ZNF653: variants seen among roughly 807,000 people sequenced by gnomAD.
ZNF653 encodes 67 kDa zinc finger protein.
In ZNF653, 37 loss-of-function variants were observed where a neutral mutation model predicts 59.9. That is an observed-to-expected ratio of 0.62 (90% CI 0.48 to 0.81). The LOEUF (loss-of-function observed/expected upper bound fraction) is 0.81. Ranked by LOEUF, ZNF653 falls within the 40% of genes least tolerant of loss-of-function variation. The pLI, the probability that ZNF653 is intolerant of heterozygous loss-of-function variation, is 0.00. For synonymous variants in ZNF653, 435 were observed against 371.8 expected (o/e 1.17, Z -1.96); for missense variants, 808 against 881.1 (o/e 0.92, Z 1.05).
chr19:11,484,465 G>A (rs969512664), intron 7 of ZNF653, among the ~76,000 whole-genome samples: 1 of 152,012 alleles, frequency 6.6e-6, no homozygotes, highest in South Asian at 2.1e-4. Context: ...GCAATGGCCC[G>A]ATCTCGGCTT....
chr19:11,485,566 C>G (rs970516845), intron 7 of ZNF653, 90 bp downstream of exon 7: 40 of 1,029,480 alleles, frequency 3.9e-5, no homozygotes, highest in Admixed American at 5.4e-5. Context: ...AGACCCAGCA[C>G]TGGGCTTTGA....
At position 11,487,388 on chromosome 19, in the gene ZNF653, T is replaced by C. The variant is rs769952549; in HGVS notation, c.1075A>G (p.Met359Val). 5.6e-6 allele frequency: 9 copies of C among 1,612,652 alleles called. No homozygotes were observed. The Admixed American group carries it at 1.0e-4, about 18-fold the overall frequency. ...TGGGTGTAGGCTGCCACACCCTCCA[T>C]CATGGCACAGGGCACCTCCTCGCCC... ...GLGEEVPCAM[M>V]EGVAAYTQTE... The change falls in exon 4 of 9, where the codon ATG becomes GTG. Residue 359 changes from methionine (M) to valine (V), a missense_variant. Physicochemically the swap from Met to Val is conservative, Grantham distance 21. Transcript: ENST00000293771. The surrounding 1 kb of genome is among the most constrained non-coding windows in gnomAD (Gnocchi z 5.1).
Position 11,505,781 on chromosome 19 carries a change from C to T in ZNF653, c.6G>A (p.Ala2=). 1.4e-6 allele frequency: 2 copies of T among 1,403,908 alleles called. No individual in the cohort carries two copies. The highest frequency in any genetic ancestry group is 3.0e-5 in the East Asian group (1 of 33,710). 87.0% of individuals were successfully genotyped at this position (1,403,908 alleles called of 1,614,324 possible). The change falls in exon 1 of 9, where the codon GCG becomes GCA. Residue 2 remains alanine (A), a synonymous_variant. Transcript: ENST00000293771. M[A]ERALEPEAEA... is the part of the protein sequence containing the mutation. ...CCGCCTCGGGCTCTAGCGCCCGCTC[C>T]GCCATCCCCCCCACCCTGGTTACCA...
intron 7 of ZNF653, among the ~76,000 whole-genome samples, chr19:11,485,003 T>C (rs1253693610): frequency 6.6e-6 from 1 of 150,966 alleles, no homozygotes; most frequent in African/African-American, 2.4e-5. Context: ...TGAGCCAAGA[T>C]CGGATTCCAG....
At chr19:11,494,100 T>C (rs2144943041) in intron 3 of ZNF653, among the ~76,000 whole-genome samples, 1 of 152,188 alleles carries the variant, frequency 6.6e-6, no homozygotes. Flanking sequence ...GGCAGGAGGA[T>C]CACTTGAGGC....
At chr19:11,499,611 T>TAA (rs764982889) in intron 1 of ZNF653, among the ~76,000 whole-genome samples, 86 of 113,042 alleles carry the variant, frequency 7.6e-4, no homozygotes, top group African/African-American at 2.6e-3. Flanking sequence ...TTTATACAAT[T>TAA]AAAAAAAAAA....
intron 6 of ZNF653, 102 bp from the exon 7 acceptor site, chr19:11,485,872 TC>T: frequency 2.3e-6 from 2 of 871,626 alleles, no homozygotes. Context: ...GGGGCTGGCC[TC>T]CCCAGGAGGA....
At chr19:11,490,780 T>C (rs112184717) in intron 3 of ZNF653, among the ~76,000 whole-genome samples, 3 of 152,136 alleles carry the variant, frequency 2.0e-5, no homozygotes, top group African/African-American at 7.2e-5. Flanking sequence ...AGCTCCAGAT[T>C]CTTCCATCTC....
At chr19:11,501,191 CTTTTT>C (rs1971640206) in intron 1 of ZNF653, among the ~76,000 whole-genome samples, 1 of 108,220 alleles carries the variant, frequency 9.2e-6, no homozygotes, top group Non-Finnish European at 2.0e-5. Flanking sequence ...TTTTTTTTTT[CTTTTT>C]GAGACAGGCT....
At chr19:11,486,904 T>G (rs1425776833) in intron 5 of ZNF653, 24 bp from the exon 6 acceptor site, 1 of 1,610,936 alleles carries the variant, frequency 6.2e-7, no homozygotes, top group African/African-American at 1.3e-5. Flanking sequence ...GGCCATGACA[T>G]CGGGGCTCCC....
rs772340089 is a variant in ZNF653 at position 11,495,193 on chromosome 19, CCT to C, written c.559+755_559+756del. On this transcript the variant is annotated intron_variant, in intron 3 of 8. Transcript: ENST00000293771. This position sits in a 1 kb window ranked among gnomAD's most constrained non-coding sequence, Gnocchi z 4.9. ...CTCCTTCTCCAGCCATTGCCGAACC[CCT>C]GAGGCTGCCGGCAGCCCCCTCACCA... Among the ~76,000 whole-genome samples, 61 of 152,178 alleles carry C rather than the reference CCT, an allele frequency of 4.0e-4. 1 individual carries two copies. Among genetic ancestry groups the C allele is most frequent in the Admixed American group, 7.2e-4 (11 of 15,278 alleles).
Position 11,486,980 on chromosome 19 carries a change from C to A in ZNF653, c.1343+7G>T. ...TCGCCCTCACCCTTGCCCGCCCCGG[C>A]ACCCACTTCTCAGGCTCCTTGGGGA... On this transcript the variant is annotated splice_region_variant and intron_variant, in intron 5 of 8. Transcript: ENST00000293771. 1 of 1,613,364 alleles carries A rather than the reference C, an allele frequency of 6.2e-7. No homozygotes were observed. The highest frequency in any genetic ancestry group is 8.5e-7 in the Non-Finnish European group (1 of 1,179,566).
intron 6 of ZNF653, among the ~76,000 whole-genome samples, chr19:11,486,334 G>C (rs1971465368): frequency 6.6e-6 from 1 of 152,180 alleles, no homozygotes; most frequent in South Asian, 2.1e-4. Context: ...GAAGGGCCCA[G>C]CTGTTAGCCC....
At chr19:11,504,355 C>T (rs938776826) in intron 1 of ZNF653, 3 of 187,138 alleles carry the variant, frequency 1.6e-5, no homozygotes, top group African/African-American at 7.1e-5. Context: ...GAACGGAGAT[C>T]GTGCCACTGC....
At chr19:11,499,619 A>C (rs1971623495) in intron 1 of ZNF653, among the ~76,000 whole-genome samples, 1 of 151,704 alleles carries the variant, frequency 6.6e-6, no homozygotes, top group African/African-American at 2.4e-5. Flanking sequence ...ATTAAAAAAA[A>C]AAAAAAAAAA....
At position 11,494,307 on chromosome 19, in the gene ZNF653, G is replaced by A. The variant is rs1231802284; in HGVS notation, c.559+1643C>T. Among the ~76,000 whole-genome samples the A allele has an allele frequency of 2.6e-5, 4 of 151,282 alleles. No homozygotes were observed. In the South Asian group the frequency reaches 6.3e-4, roughly 24 times the overall value. ...ACTGCACTCCAGCTTGGGTGACAGA[G>A]ACAGAATCTGTCTCAAAAAGATAAC... On this transcript the variant is annotated intron_variant, in intron 3 of 8. Transcript: ENST00000293771.
rs766381084 is a variant in ZNF653 at position 11,496,136 on chromosome 19, T to C, written c.373A>G (p.Asn125Asp). The C allele has an allele frequency of 6.2e-7, 1 of 1,613,960 alleles. No individual in the cohort carries two copies. Among genetic ancestry groups the C allele is most frequent in the South Asian group, 1.1e-5 (1 of 91,072 alleles). The change falls in exon 3 of 9, where the codon AAC becomes GAC. Residue 125 changes from asparagine to aspartate, a missense_variant. By Grantham distance (23) the Asn-to-Asp change is conservative (BLOSUM62 1). Coordinates refer to ENST00000293771, the MANE Select transcript of ZNF653 (RefSeq NM_138783.4). ...RRRRNVNCLKNVVIWYEDHKH... is the reference protein window; with the variant it reads ...RRRRNVNCLKDVVIWYEDHKH... ...TGGTCCTCGTACCAGATCACCACGT[T>C]CTTCAGGCAGTTCACGTTGCGTCGC...
chr19:11,495,977 T>G lies in ZNF653; in HGVS notation c.532A>C (p.Ser178Arg). 1 of 1,614,134 alleles carries G rather than the reference T, an allele frequency of 6.2e-7. No homozygotes were observed. The highest frequency in any genetic ancestry group is 8.5e-7 in the Non-Finnish European group (1 of 1,179,998). Reference protein sequence around the residue: ...QDLHSPLKPLSDSDPDSDKVG... With the variant: ...QDLHSPLKPLRDSDPDSDKVG... Reference sequence around the variant, plus strand: ...TTGTCACTGTCAGGGTCTGAGTCGCTGAGGGGCTTCAGGGGCGAATGCAGG... The same window carrying G: ...TTGTCACTGTCAGGGTCTGAGTCGCGGAGGGGCTTCAGGGGCGAATGCAGG... Residue 178 changes from serine to arginine, a missense_variant, in exon 3 of 9, where the codon AGC becomes CGC. Coordinates refer to ENST00000293771, the MANE Select transcript of ZNF653 (RefSeq NM_138783.4). The surrounding 1 kb of genome is among the most constrained non-coding windows in gnomAD (Gnocchi z 4.9).
chr19:11,499,331 G>A (rs1367048407), intron 1 of ZNF653, among the ~76,000 whole-genome samples: 1 of 152,206 alleles, frequency 6.6e-6, no homozygotes, highest in African/African-American at 2.4e-5. Flanking sequence ...GCAGGCCTGT[G>A]AGTAGGACTG....
Sources: allele counts gnomAD v4.1 joint callset (sites outside exome capture counted in the v4.1 genomes callset), GRCh38; gene constraint gnomAD v4.1.1; non-coding constraint Gnocchi (gnomAD v3.1); transcripts MANE v1.5; gene names NCBI Gene and HGNC (gene_info 2026-07-23, HGNC 2026-07-21).